Variants in SIK2 observed in about 807,000 individuals in gnomAD.
SIK2 encodes the protein salt inducible kinase 2.
In SIK2, 29 loss-of-function variants were observed where a neutral mutation model predicts 103.2. That is an observed-to-expected ratio of 0.28 (90% CI 0.21 to 0.38). The LOEUF (loss-of-function observed/expected upper bound fraction) is 0.38, where lower values mean the gene tolerates loss of function less well. Among genes scored for constraint, SIK2 ranks in the 10% least tolerant of loss-of-function variants. The pLI is 1.00. For missense variants in SIK2, 879 were observed against 1,171.0 expected (o/e 0.75, Z 3.64); for synonymous variants, 412 against 446.1 (o/e 0.92, Z 0.96).
At chr11:111,610,416 T>C (rs903932596) in intron 1 of SIK2, among the ~76,000 whole-genome samples, 1 of 150,088 alleles carries the variant, frequency 6.7e-6, no homozygotes, top group African/African-American at 2.5e-5. Context: ...CTTTGAACCC[T>C]GGAGGCAGAG....
intron 3 of SIK2, among the ~76,000 whole-genome samples, chr11:111,631,315 G>A (rs1942034563): frequency 1.3e-5 from 2 of 152,174 alleles, no homozygotes; most frequent in South Asian, 2.1e-4. Context: ...AGCTAGCAGT[G>A]CTCATATGAT....
Position 111,664,251 on chromosome 11 carries a change from A to G in SIK2, c.317-23750A>G, listed in dbSNP as rs183748045. Among the ~76,000 whole-genome samples, 241 of 152,188 alleles carry G rather than the reference A, an allele frequency of 1.6e-3. 2 individuals carry two copies. Among genetic ancestry groups the G allele is most frequent in the African/African-American group, 5.3e-3 (221 of 41,536 alleles). On this transcript the variant is annotated intron_variant, in intron 3 of 14. Coordinates refer to ENST00000304987, the MANE Select transcript of SIK2 (RefSeq NM_015191.3). ...TTTTGGGGGGCAAATCGTGTCTTCT[A>G]TTTTTCACCAAAGGGAAAGATTGGG...
At chr11:111,660,259 T>C (rs987713736) in intron 3 of SIK2, among the ~76,000 whole-genome samples, 1 of 152,140 alleles carries the variant, frequency 6.6e-6, no homozygotes, top group African/African-American at 2.4e-5. Flanking sequence ...CGGTGGTTAA[T>C]GAAGCCTTGT....
rs569458367 is a variant in SIK2, at chr11:111,622,309, G to A, written c.316+1907G>A. ...CTTGCTCTGTCGCCCAGGCTGGAGT[G>A]CAGTGGCACGATCTCAGCTCACTGC... On this transcript the variant is annotated intron_variant, in intron 3 of 14. Transcript: ENST00000304987. 1.2e-3 allele frequency among the ~76,000 whole-genome samples: 156 copies of A among 132,344 alleles called. 1 individual carries two copies. Among genetic ancestry groups the A allele is most frequent in the African/African-American group, 4.5e-3 (150 of 33,664 alleles). The allele number at this position is 132,344 out of a possible 152,430, so 86.8% of individuals were successfully genotyped here.
rs536658192 is a variant in SIK2, at chr11:111,649,201, C to A, written c.316+28799C>A. On this transcript the variant is annotated intron_variant, in intron 3 of 14. Coordinates refer to ENST00000304987, the MANE Select transcript of SIK2 (RefSeq NM_015191.3). ...GCATTTGTCTCTCCATCTGTGAGTA[C>A]AGCGTTGTGTTGATCCTTGCACATA... Among the ~76,000 whole-genome samples the A allele has an allele frequency of 2.0e-5, 3 of 152,276 alleles. No homozygotes were observed. In the South Asian group the frequency reaches 6.2e-4, roughly 32 times the overall value.
rs1297024553 is a variant in SIK2 at position 111,719,977 on chromosome 11, A to G, written c.1469A>G (p.Asn490Ser). ...QRRHTLSEVT[N>S]QLVVMPGAGK... ...CGGCACACTCTGTCAGAAGTGACCA[A>G]TCAACTGGTCGTGATGCCTGGGGCA... Residue 490 changes from asparagine to serine, a missense_variant, in exon 10 of 15, where the codon AAT (asparagine) becomes AGT (serine). Asn to Ser is a conservative substitution (Grantham distance 46, BLOSUM62 1). Around this residue, in one of 7 missense-constraint regions of SIK2, gnomAD observed 222 missense variants for 258.0 expected, o/e 0.86. Coordinates refer to ENST00000304987, the MANE Select transcript of SIK2 (RefSeq NM_015191.3). 2 of 1,614,012 alleles carry G rather than the reference A, an allele frequency of 1.2e-6. No individual in the cohort carries two copies. The highest frequency in any genetic ancestry group is 2.2e-5 in the East Asian group (1 of 44,880).
intron 3 of SIK2, among the ~76,000 whole-genome samples, chr11:111,654,979 A>G (rs1942372214): frequency 6.6e-6 from 1 of 152,258 alleles, no homozygotes; most frequent in Non-Finnish European, 1.5e-5. Flanking sequence ...TTCAGAATAC[A>G]TTACAATCAT....
At chr11:111,615,388 GT>G (rs1327501514) in intron 1 of SIK2, among the ~76,000 whole-genome samples, 3 of 151,650 alleles carry the variant, frequency 2.0e-5, no homozygotes, top group Non-Finnish European at 4.4e-5. Flanking sequence ...ACATTTTAGA[GT>G]TTTTTCAAAA....
At position 111,727,047 on chromosome 11, in the gene SIK2, T is replaced by C; in HGVS notation, c.*2918T>C. The stretch of plus-strand genomic sequence containing the variant: ...GTCTCTAGTATCTCCACGCAACTGA[T>C]ACACTGGTCCCTGTAAGGCAAACAG... On this transcript the variant is annotated 3_prime_UTR_variant, in exon 15 of 15. Coordinates refer to ENST00000304987, the MANE Select transcript of SIK2 (RefSeq NM_015191.3). 6.2e-7 allele frequency: 1 copy of C among 1,614,024 alleles called. No homozygotes were observed. The highest frequency in any genetic ancestry group is 8.5e-7 in the Non-Finnish European group (1 of 1,179,952).
intron 3 of SIK2, among the ~76,000 whole-genome samples, chr11:111,677,286 C>T (rs1942714892): frequency 6.6e-6 from 1 of 152,090 alleles, no homozygotes; most frequent in Non-Finnish European, 1.5e-5. Flanking sequence ...GTAAGAAAAC[C>T]CAGCTATTGT....
At position 111,722,893 on chromosome 11, in the gene SIK2, G is replaced by GGGC; in HGVS notation, c.2147+137_2147+138insGGC. The GGGC allele has an allele frequency of 1.4e-6, 1 of 717,192 alleles. No homozygotes were observed. The highest frequency in any genetic ancestry group is 2.3e-6 in the Non-Finnish European group (1 of 431,168). 44.4% of individuals were successfully genotyped at this position (717,192 alleles called of 1,614,324 possible). On this transcript the variant is annotated intron_variant, in intron 14 of 14. Transcript: ENST00000304987. This position sits in a 1 kb window ranked among gnomAD's most constrained non-coding sequence, Gnocchi z 4.4. ...TCTGCGTGTGTCACAGGCCCTCTGA[G>GGGC]CACGATTACTAAGAGGATATCTCAG...
rs1280159643 is a variant in SIK2, at chr11:111,724,479, C to G, written c.*350C>G. 7.3e-6 allele frequency: 2 copies of G among 272,596 alleles called. No homozygotes were observed. The highest frequency in any genetic ancestry group is 1.4e-5 in the Non-Finnish European group (2 of 143,194). 16.9% of individuals were successfully genotyped at this position (272,596 alleles called of 1,614,324 possible). A position where few individuals can be genotyped will look rare whatever the true frequency, so the allele number is the denominator to read the frequency against. Reference sequence around the variant, plus strand: ...TACATCCGTTTATTATCAAGGGCAACCTTGGTGAAAGCAGAAAGGGTGTGT... The same window carrying G: ...TACATCCGTTTATTATCAAGGGCAAGCTTGGTGAAAGCAGAAAGGGTGTGT... On this transcript the variant is annotated 3_prime_UTR_variant, in exon 15 of 15. Transcript: ENST00000304987.
chr11:111,660,275 G>C (rs1355685743), intron 3 of SIK2, among the ~76,000 whole-genome samples: 2 of 152,152 alleles, frequency 1.3e-5, no homozygotes, highest in Non-Finnish European at 2.9e-5. Context: ...CTTGTATCTG[G>C]AGGGTGGAAG....
intron 1 of SIK2, among the ~76,000 whole-genome samples, chr11:111,613,795 G>A (rs1483446840): frequency 6.6e-6 from 1 of 152,050 alleles, no homozygotes; most frequent in Non-Finnish European, 1.5e-5. Context: ...TTATTCTTAG[G>A]CGATAAATTT....
chr11:111,718,272 G>C (rs1943704765), intron 9 of SIK2, among the ~76,000 whole-genome samples: 1 of 152,212 alleles, frequency 6.6e-6, no homozygotes, highest in Non-Finnish European at 1.5e-5. Context: ...AAGGAGCTTA[G>C]AGGTATGAAT....
chr11:111,605,938 C>T (rs1249436464), intron 1 of SIK2, among the ~76,000 whole-genome samples: 1 of 152,084 alleles, frequency 6.6e-6, no homozygotes, highest in East Asian at 1.9e-4. Flanking sequence ...AATCCAGCTT[C>T]CTAATACGCT....
At chr11:111,675,123 A>G (rs1353800060) in intron 3 of SIK2, among the ~76,000 whole-genome samples, 1 of 152,226 alleles carries the variant, frequency 6.6e-6, no homozygotes, top group Non-Finnish European at 1.5e-5. Context: ...TTCTTTGTCT[A>G]TGAGTCATTT....
intron 1 of SIK2, among the ~76,000 whole-genome samples, chr11:111,607,541 G>T (rs181926032): frequency 1.3e-5 from 2 of 152,208 alleles, no homozygotes; most frequent in African/African-American, 4.8e-5. Context: ...ATCTTGTACT[G>T]TGAAATATTC....
chr11:111,608,107 C>G (rs1313607998), intron 1 of SIK2, among the ~76,000 whole-genome samples: 3 of 152,166 alleles, frequency 2.0e-5, no homozygotes, highest in African/African-American at 7.2e-5. Context: ...CCTTCCACCT[C>G]CATCTTTTCG....
Sources: gnomAD v4.1 joint callset for allele counts (sites outside exome capture counted in the v4.1 genomes callset) on GRCh38, gnomAD v4.1.1 for gene constraint, gnomAD v4.1.1 regional missense constraint, Gnocchi (gnomAD v3.1) non-coding constraint, MANE v1.5 for transcripts, NCBI Gene and HGNC (gene_info 2026-07-23, HGNC 2026-07-21) for gene names.